TTC6: variants seen among roughly 807,000 people sequenced by gnomAD.
The protein encoded by TTC6 is tetratricopeptide repeat protein 6.
TTC6 carries 172 observed loss-of-function variants against 210.4 expected under a neutral mutation model. The ratio of observed to expected loss-of-function variants is 0.82; its 90% CI spans 0.72 to 0.93. TTC6 has a LOEUF of 0.93. Among genes scored for constraint, TTC6 ranks in the 40% least tolerant of loss-of-function variants. TTC6 has a pLI of 0.00. For synonymous variants in TTC6, 804 were observed against 819.6 expected (o/e 0.98, Z 0.32); for missense variants, 2,414 against 2,318.1 (o/e 1.04, Z -0.85).
intron 1 of TTC6, among the ~76,000 whole-genome samples, chr14:37,599,980 C>G (rs537945840): frequency 6.6e-6 from 1 of 152,298 alleles, no homozygotes; most frequent in East Asian, 1.9e-4. Flanking sequence ...CTCATCCAGC[C>G]GATCCCCCTC....
At chr14:37,714,525 C>T (rs2095849396) in intron 5 of TTC6, 130 bp from the exon 8 acceptor site, 2 of 607,460 alleles carry the variant, frequency 3.3e-6, no homozygotes, top group Non-Finnish European at 5.1e-6. Context: ...CTGACTTCTA[C>T]ACAATCTCTG....
intron 1 of TTC6, among the ~76,000 whole-genome samples, chr14:37,660,190 G>A (rs1022119721): frequency 2.0e-5 from 3 of 148,564 alleles, no homozygotes; most frequent in African/African-American, 7.4e-5. Context: ...CCTATGTCTA[G>A]GATGGTATTG....
intron 7 of TTC6, among the ~76,000 whole-genome samples, chr14:37,728,722 A>AT (rs1168126881): frequency 6.6e-6 from 1 of 152,088 alleles, no homozygotes; most frequent in East Asian, 1.9e-4. Flanking sequence ...GTTTCTGTTT[A>AT]TTTAAAATTT....
chr14:37,655,085 T>C (rs1445373977), intron 1 of TTC6, among the ~76,000 whole-genome samples: 3 of 152,230 alleles, frequency 2.0e-5, no homozygotes, highest in Admixed American at 1.3e-4. Flanking sequence ...GTTACTGCCA[T>C]TGACAGCTCT....
chr14:37,803,769 AG>A (rs2096112297), intron 20 of TTC6, among the ~76,000 whole-genome samples: 1 of 152,166 alleles, frequency 6.6e-6, no homozygotes, highest in South Asian at 2.1e-4. Context: ...AAAAGTAGAA[AG>A]GGGGGAAATT....
At chr14:37,718,258 C>T (rs1331093675) in intron 6 of TTC6, among the ~76,000 whole-genome samples, 1 of 152,108 alleles carries the variant, frequency 6.6e-6, no homozygotes, top group African/African-American at 2.4e-5. Flanking sequence ...GAGGCTTTCT[C>T]AGTATTGGAA....
intron 1 of TTC6, among the ~76,000 whole-genome samples, chr14:37,651,627 A>C (rs1262233906): frequency 6.6e-6 from 1 of 151,816 alleles, no homozygotes; most frequent in Non-Finnish European, 1.5e-5. Flanking sequence ...AATGTGTCTC[A>C]AGTACAGAGG....
At chr14:37,793,254 A>G (rs1398181861) in intron 17 of TTC6, among the ~76,000 whole-genome samples, 1 of 152,214 alleles carries the variant, frequency 6.6e-6, no homozygotes, top group Non-Finnish European at 1.5e-5. Flanking sequence ...AAGGTCTGCA[A>G]GACCCCACAG....
intron 14 of TTC6, among the ~76,000 whole-genome samples, chr14:37,756,788 C>T (rs531484720): frequency 1.2e-4 from 19 of 152,064 alleles, no homozygotes; most frequent in Middle Eastern, 6.8e-3. Context: ...TGTTCATCAG[C>T]GATATTGACC....
At chr14:37,646,055 CTT>C (rs1485856102) in intron 1 of TTC6, among the ~76,000 whole-genome samples, 1 of 152,090 alleles carries the variant, frequency 6.6e-6, no homozygotes, top group African/African-American at 2.4e-5. Flanking sequence ...TAGTGAATCT[CTT>C]TGGGTGGGAA....
chr14:37,605,057 C>A (rs2095622624), intron 1 of TTC6, among the ~76,000 whole-genome samples: 1 of 152,156 alleles, frequency 6.6e-6, no homozygotes, highest in Non-Finnish European at 1.5e-5. Flanking sequence ...TTAAATGTTA[C>A]CTTGCATGTG....
At chr14:37,692,391 C>T (rs1310669959) in intron 3 of TTC6, among the ~76,000 whole-genome samples, 1 of 151,812 alleles carries the variant, frequency 6.6e-6, no homozygotes. Context: ...GATGGTTCAA[C>T]ATATGCAAAT....
intron 14 of TTC6, among the ~76,000 whole-genome samples, chr14:37,773,549 C>G (rs1028115419): frequency 1.3e-5 from 2 of 152,094 alleles, no homozygotes; most frequent in Admixed American, 1.3e-4. Context: ...TCAACTTTGT[C>G]CAACATCAGA....
chr14:37,624,801 TTAG>T (rs2095657445), intron 1 of TTC6, among the ~76,000 whole-genome samples: 1 of 152,012 alleles, frequency 6.6e-6, no homozygotes, highest in African/African-American at 2.4e-5. Context: ...TTTTGTATTT[TTAG>T]TAGAGACAGG....
intron 14 of TTC6, among the ~76,000 whole-genome samples, chr14:37,770,502 A>T (rs1030423166): frequency 1.3e-5 from 2 of 151,674 alleles, no homozygotes; most frequent in Non-Finnish European, 2.9e-5. Context: ...TTGGGTGCAT[A>T]TATATTTAGG....
chr14:37,823,430 TG>T (rs1169852577), intron 26 of TTC6, among the ~76,000 whole-genome samples: 2 of 152,236 alleles, frequency 1.3e-5, no homozygotes, highest in Non-Finnish European at 1.5e-5. Flanking sequence ...AATTGATACC[TG>T]TTAAAAACAG....
chr14:37,839,403 T>A (rs1426152146), intron 29 of TTC6, among the ~76,000 whole-genome samples: 1 of 152,242 alleles, frequency 6.6e-6, no homozygotes, highest in Non-Finnish European at 1.5e-5. Context: ...CCAGTGATGA[T>A]GAGCATTTTT....
intron 1 of TTC6, among the ~76,000 whole-genome samples, chr14:37,669,951 C>G (rs1467891631): frequency 1.3e-5 from 2 of 152,108 alleles, no homozygotes; most frequent in Non-Finnish European, 2.9e-5. Flanking sequence ...ATCATTTCCT[C>G]TCCCAGATCC....
At chr14:37,817,511 A>G (rs1238273282) in intron 25 of TTC6, 67 bp from the exon 28 acceptor site, 2 of 1,383,964 alleles carry the variant, frequency 1.4e-6, no homozygotes, top group Middle Eastern at 1.8e-4. Flanking sequence ...TCACAGTTAG[A>G]AGGAAGTTTA....
Sources: gnomAD v4.1 joint callset for allele counts (sites outside exome capture counted in the v4.1 genomes callset) on GRCh38, gnomAD v4.1.1 for gene constraint, MANE v1.5 for transcripts, NCBI Gene and HGNC (gene_info 2026-07-23, HGNC 2026-07-21) for gene names.